Variants in TESPA1 observed in about 807,000 individuals in gnomAD.
The protein encoded by TESPA1 is thymocyte expressed, positive selection associated 1.
Under a neutral mutation model 57.9 loss-of-function variants are expected in TESPA1, and 33 were observed. The observed-to-expected ratio is 0.57, with a 90% CI of 0.43 to 0.76. The LOEUF is 0.76. Among genes scored for constraint, TESPA1 ranks in the 30% least tolerant of loss-of-function variants. The pLI is 0.00. For synonymous variants in TESPA1, 227 were observed against 228.9 expected, an observed-to-expected ratio of 0.99 and a Z score of 0.07; for missense variants, 618 against 632.9, an observed-to-expected ratio of 0.98 and a Z score of 0.25.
chr12:54,963,806 G>T lies in TESPA1; in HGVS notation c.591C>A (p.Phe197Leu). The T allele has an allele frequency of 6.2e-7, 1 of 1,613,966 alleles. No homozygotes were observed. Among genetic ancestry groups the T allele is most frequent in the Non-Finnish European group, 8.5e-7 (1 of 1,179,868 alleles). The change falls in exon 8 of 11, where the codon TTC becomes TTA. Residue 197 changes from phenylalanine (F) to leucine (L), a missense_variant. Physicochemically the swap from Phe to Leu is conservative, Grantham distance 22. Transcript: ENST00000449076. ...TTPSQAKGID[F>L]QLFLKSQVRR... ...GCACCTGGGACTTCAGGAAGAGCTG[G>T]AAATCAATGCCCTTGGCCTGAGAGG...
rs1188403053 is a variant in TESPA1, at chr12:54,962,829, G to A, written c.1069C>T (p.Pro357Ser). ...PAEGKKLPTSPYPCVFCCEEE... is the reference protein window; with the variant it reads ...PAEGKKLPTSSYPCVFCCEEE... ...TCACAGCAGAAGACACATGGATAGG[G>A]AGAAGTGGGCAACTTCTTACCCTCA... Residue 357 changes from proline (P) to serine (S), a missense_variant, in exon 9 of 11, where the codon CCC becomes TCC. Transcript: ENST00000449076. The A allele has an allele frequency of 1.2e-6, 2 of 1,613,756 alleles. No individual in the cohort carries two copies. Among genetic ancestry groups the A allele is most frequent in the Non-Finnish European group, 1.7e-6 (2 of 1,179,836 alleles).
At chr12:54,980,281 T>G (rs889291855) in intron 1 of TESPA1, among the ~76,000 whole-genome samples, 1 of 152,214 alleles carries the variant, frequency 6.6e-6, no homozygotes, top group Non-Finnish European at 1.5e-5. Flanking sequence ...GTGCAGGAAG[T>G]GTTGCTTTGT....
chr12:54,957,185 G>A (rs1950785980), intron 10 of TESPA1, among the ~76,000 whole-genome samples: 1 of 152,148 alleles, frequency 6.6e-6, no homozygotes, highest in Non-Finnish European at 1.5e-5. Context: ...CAGTAGGGCT[G>A]GATTCTAATT....
chr12:54,972,426 C>A (rs920004958), intron 3 of TESPA1, among the ~76,000 whole-genome samples: 1 of 152,156 alleles, frequency 6.6e-6, no homozygotes, highest in Non-Finnish European at 1.5e-5. Flanking sequence ...AGGACATTAA[C>A]TGAGCTGACT....
chr12:54,955,462 G>A (rs199924160), intron 10 of TESPA1, among the ~76,000 whole-genome samples: 206 of 100,680 alleles, frequency 2.0e-3, no homozygotes, highest in African/African-American at 9.6e-3. Flanking sequence ...AAAATATGAG[G>A]TTTATTTTTT....
rs1243252336 is a variant in TESPA1, at chr12:54,973,494, G to A, written c.189C>T (p.Asp63=). 6.2e-7 allele frequency: 1 copy of A among 1,613,960 alleles called. No individual in the cohort carries two copies. The highest frequency in any genetic ancestry group is 1.1e-5 in the South Asian group (1 of 91,084). The stretch of plus-strand genomic sequence containing the variant: ...GCACTTACCCGCAATCCTGCAGCCA[G>A]TCTTCAATTTTATTGATTGGATTCC... ...QEGNPINKIE[D]WLQDCGYSEE... The change falls in exon 3 of 11, where the codon GAC becomes GAT. Residue 63 remains aspartate, a synonymous_variant. Transcript: ENST00000449076.
At chr12:54,964,053 T>C in intron 7 of TESPA1, 103 bp from the exon 8 acceptor site, 1 of 1,184,782 alleles carries the variant, frequency 8.4e-7, no homozygotes, top group South Asian at 1.5e-5. Flanking sequence ...GAAATTCTTT[T>C]CTGTCCATTT....
rs374279484 is a variant in TESPA1, at chr12:54,963,862, A to C, written c.535T>G (p.Ser179Ala). 1.9e-6 allele frequency: 3 copies of C among 1,613,882 alleles called. No individual in the cohort carries two copies. In the African/African-American group the frequency reaches 4.0e-5, roughly 22 times the overall value. Residue 179 changes from serine (S) to alanine (A), a missense_variant, in exon 8 of 11, where the codon TCT (serine) becomes GCT (alanine). Coordinates refer to ENST00000449076, the MANE Select transcript of TESPA1 (RefSeq NM_001136030.3). ...GTGAAAAATCGGGCGGGTATCCGAG[A>C]AGTGTCTTTGTGATCCTCTTGGCCA... is the stretch of plus-strand genomic sequence containing the variant. ...GFGQEDHKDT[S>A]RIPARFFTTP...
rs1007020174 is a variant in TESPA1 at position 54,962,996 on chromosome 12, G to T, written c.902C>A (p.Pro301Gln). 4.3e-6 allele frequency: 7 copies of T among 1,613,696 alleles called. No homozygotes were observed. The highest frequency in any genetic ancestry group is 5.9e-6 in the Non-Finnish European group (7 of 1,179,868). Residue 301 changes from proline to glutamine, a missense_variant, in exon 9 of 11, where the codon CCA becomes CAA. Around this residue, in one of 3 missense-constraint regions of TESPA1, gnomAD observed 409 missense variants for 420.1 expected, o/e 0.97. Transcript: ENST00000449076. ...CCTTTTGGGGGTGTTGTGGGGTGGT[G>T]GTGGCCGGTCTCGGGGGCATGTGTA... is the stretch of plus-strand genomic sequence containing the variant. ...CLYTCPRDRP[P>Q]PPHNTPKRNS...
chr12:54,965,720 G>A (rs917389614), intron 7 of TESPA1, among the ~76,000 whole-genome samples: 3 of 152,158 alleles, frequency 2.0e-5, no homozygotes, highest in African/African-American at 7.2e-5. Context: ...GCTTCATTCA[G>A]TCAACAAATT....
intron 10 of TESPA1, among the ~76,000 whole-genome samples, chr12:54,959,424 G>T (rs1241493343): frequency 1.3e-5 from 2 of 152,218 alleles, no homozygotes; most frequent in African/African-American, 4.8e-5. Flanking sequence ...CCCCCTGCGG[G>T]AAACACTAGG....
chr12:54,961,336 GC>G, intron 9 of TESPA1, 69 bp from the exon 10 acceptor site: 1 of 1,564,728 alleles, frequency 6.4e-7, no homozygotes. Context: ...GGTGCAGGTG[GC>G]AGGTAGCTGT....
chr12:54,966,406 T>C lies in TESPA1; in HGVS notation c.329A>G (p.Asn110Ser), dbSNP rs778891779. Reference sequence around the variant, plus strand: ...CACTTACCTGGAGAAGAGTTTGCCATTGGCGGCCAGTAGTGTGGCTGGACA... The same window carrying C: ...CACTTACCTGGAGAAGAGTTTGCCACTGGCGGCCAGTAGTGTGGCTGGACA... ...LGAEATLLAA[N>S]GKLFSRSFLE... is the part of the protein sequence containing the mutation. Residue 110 changes from asparagine (N) to serine (S), a missense_variant, in exon 6 of 11, where the codon AAT becomes AGT. Asn to Ser is a conservative substitution (Grantham distance 46, BLOSUM62 1). Transcript: ENST00000449076. The C allele has an allele frequency of 1.9e-6, 3 of 1,613,650 alleles. No homozygotes were observed. The highest frequency in any genetic ancestry group is 1.3e-5 in the African/African-American group (1 of 74,896).
chr12:54,974,471 T>A lies in TESPA1; in HGVS notation c.92A>T (p.Glu31Val), dbSNP rs778122709. Residue 31 changes from glutamate to valine, a missense_variant, in exon 2 of 11, where the codon GAG (glutamate) becomes GTG (valine). Physicochemically the swap from Glu to Val is moderately radical, Grantham distance 121. Transcript: ENST00000449076. ...ATCCTGCAGGGCGGCGGCAGCCTCC[T>A]CTTCTAGGACCTGGGTCTGCCAGTT... is the stretch of plus-strand genomic sequence containing the variant. ...SRNWQTQVLE[E>V]EAAAALQDVP... 73 of 1,607,570 alleles carry A rather than the reference T, an allele frequency of 4.5e-5. No individual in the cohort carries two copies. The highest frequency in any genetic ancestry group is 6.0e-5 in the Non-Finnish European group (71 of 1,177,128).
intron 3 of TESPA1, among the ~76,000 whole-genome samples, chr12:54,972,430 GCTGA>G (rs1951891606): frequency 6.6e-6 from 1 of 152,266 alleles, no homozygotes; most frequent in East Asian, 1.9e-4. Flanking sequence ...CATTAACTGA[GCTGA>G]CTGTTTCCCC....
chr12:54,970,195 C>T (rs1313454114), intron 3 of TESPA1, among the ~76,000 whole-genome samples: 1 of 152,132 alleles, frequency 6.6e-6, no homozygotes, highest in Non-Finnish European at 1.5e-5. Context: ...GCCTTGGGCT[C>T]CCAAAGTGCT....
chr12:54,982,408 C>T (rs1478306928), intron 1 of TESPA1, among the ~76,000 whole-genome samples: 5 of 152,300 alleles, frequency 3.3e-5, no homozygotes, highest in Middle Eastern at 3.4e-3. Flanking sequence ...TATTCCCCTC[C>T]CTTTTCATAC....
chr12:54,955,393 CA>C (rs1361524647), intron 10 of TESPA1, among the ~76,000 whole-genome samples: 8 of 152,316 alleles, frequency 5.3e-5, no homozygotes, highest in East Asian at 1.9e-4. Flanking sequence ...TCTCAATGGG[CA>C]GGTGGGCATC....
chr12:54,961,060 A>G, intron 10 of TESPA1, 108 bp downstream of exon 10: 2 of 1,271,538 alleles, frequency 1.6e-6, no homozygotes, highest in Middle Eastern at 1.9e-4. Context: ...TTAAATCAGA[A>G]TTACAGAATG....
Sources: gnomAD v4.1 joint callset for allele counts (sites outside exome capture counted in the v4.1 genomes callset) on GRCh38, gnomAD v4.1.1 for gene constraint, gnomAD v4.1.1 regional missense constraint, MANE v1.5 for transcripts, NCBI Gene and HGNC (gene_info 2026-07-23, HGNC 2026-07-21) for gene names.